Variants in RIT2 observed in about 807,000 individuals in gnomAD.
RIT2 encodes Ras like without CAAX 2, also known as GTP-binding protein Rit2.
RIT2 carries 24 observed loss-of-function variants against 23.7 expected under a neutral mutation model. The observed-to-expected ratio is 1.01, with a 90% CI of 0.73 to 1.43. The LOEUF is 1.43. Ranked by LOEUF, RIT2 falls within the 40% of genes most tolerant of loss-of-function variation. The pLI is 0.00. For missense variants in RIT2, 236 were observed against 266.9 expected (o/e 0.88, Z 0.81); for synonymous variants, 107 against 91.1 (o/e 1.17, Z -0.99).
At chr18:42,929,034 G>GATATATATATATAGATATATATAT (rs1909256715) in intron 3 of RIT2, among the ~76,000 whole-genome samples, 1 of 96,956 alleles carries the variant, frequency 1.0e-5, no homozygotes, top group African/African-American at 4.0e-5. Flanking sequence ...AAAATATGGA[G>GATATATATATATAGATATATATAT]ATATATATAT....
chr18:42,892,355 T>G (rs1333518158), intron 4 of RIT2, among the ~76,000 whole-genome samples: 1 of 152,248 alleles, frequency 6.6e-6, no homozygotes, highest in Admixed American at 6.5e-5. Context: ...GAAGTTCTCA[T>G]GAATTAATGT....
intron 3 of RIT2, among the ~76,000 whole-genome samples, chr18:42,934,909 A>G (rs1217380709): frequency 3.9e-5 from 6 of 152,190 alleles, no homozygotes; most frequent in Non-Finnish European, 7.3e-5. Flanking sequence ...TGATATCTAT[A>G]CTACCATTGG....
At chr18:43,045,565 C>T (rs1479016163) in intron 1 of RIT2, among the ~76,000 whole-genome samples, 1 of 152,162 alleles carries the variant, frequency 6.6e-6, no homozygotes, top group Non-Finnish European at 1.5e-5. Context: ...GTAATATCTG[C>T]ATACATCCTA....
At chr18:43,059,407 A>C (rs1278291363) in intron 1 of RIT2, among the ~76,000 whole-genome samples, 1 of 152,140 alleles carries the variant, frequency 6.6e-6, no homozygotes, top group East Asian at 1.9e-4. Flanking sequence ...TTCAAATTAC[A>C]GGGATTTTAC....
intron 4 of RIT2, among the ~76,000 whole-genome samples, chr18:42,856,827 C>CTCTT (rs764885020): frequency 8.7e-6 from 1 of 114,616 alleles, no homozygotes; most frequent in Admixed American, 9.8e-5. Context: ...CTCTCTCTCT[C>CTCTT]TTTTTTTTTT....
chr18:43,049,519 A>G (rs1003626836), intron 1 of RIT2, among the ~76,000 whole-genome samples: 1 of 152,116 alleles, frequency 6.6e-6, no homozygotes, highest in Non-Finnish European at 1.5e-5. Context: ...TCTTCAAGGA[A>G]CTCACAGCAG....
chr18:42,762,886 C>T (rs1225156742), intron 4 of RIT2, among the ~76,000 whole-genome samples: 5 of 152,262 alleles, frequency 3.3e-5, no homozygotes, highest in Middle Eastern at 3.4e-3. Context: ...TGAACATTAG[C>T]AAGATGAGTT....
At chr18:42,856,617 A>G (rs1907188098) in intron 4 of RIT2, among the ~76,000 whole-genome samples, 1 of 137,848 alleles carries the variant, frequency 7.3e-6, no homozygotes, top group African/African-American at 2.8e-5. Context: ...CACAAGACAA[A>G]CAGTCACAGT....
At chr18:42,946,238 G>A (rs1909724365) in intron 3 of RIT2, among the ~76,000 whole-genome samples, 1 of 151,996 alleles carries the variant, frequency 6.6e-6, no homozygotes, top group Non-Finnish European at 1.5e-5. Flanking sequence ...GTAGGCCAGT[G>A]GTTCACACAG....
chr18:43,106,720 A>C (rs1484915070), intron 1 of RIT2, among the ~76,000 whole-genome samples: 1 of 152,162 alleles, frequency 6.6e-6, no homozygotes, highest in Non-Finnish European at 1.5e-5. Context: ...AGGATGCTGA[A>C]ATGCTTGGAG....
intron 3 of RIT2, among the ~76,000 whole-genome samples, chr18:42,946,050 C>A (rs1355717564): frequency 2.6e-5 from 4 of 152,026 alleles, no homozygotes; most frequent in Admixed American, 1.3e-4. Flanking sequence ...ACTTTGGGTG[C>A]ATATTTTAGG....
chr18:43,039,947 CTCT>C (rs1568063981), intron 1 of RIT2, among the ~76,000 whole-genome samples: 1 of 152,162 alleles, frequency 6.6e-6, no homozygotes, highest in Non-Finnish European at 1.5e-5. Flanking sequence ...TATTTAGTTT[CTCT>C]TCTTATCTAT....
chr18:42,837,155 T>G (rs1000869984), intron 4 of RIT2, among the ~76,000 whole-genome samples: 14 of 78,526 alleles, frequency 1.8e-4, no homozygotes, highest in East Asian at 1.6e-3. Flanking sequence ...TTCTTTTTCT[T>G]TTTTTTTTTT....
At chr18:42,881,051 C>T (rs1907879850) in intron 4 of RIT2, among the ~76,000 whole-genome samples, 1 of 152,090 alleles carries the variant, frequency 6.6e-6, no homozygotes, top group African/African-American at 2.4e-5. Flanking sequence ...GGTGATCCAC[C>T]CGCCTCGGCC....
In RIT2 at chr18:42,950,899, C is replaced by CAAA. The variant is rs546311282; in HGVS notation, c.234+23172_234+23174dup. Among the ~76,000 whole-genome samples, 354 of 129,864 alleles carry CAAA rather than the reference C, an allele frequency of 2.7e-3. 1 individual carries two copies. Among genetic ancestry groups the CAAA allele is most frequent in the African/African-American group, 9.0e-3 (324 of 36,004 alleles). 85.2% of individuals were successfully genotyped at this position (129,864 alleles called of 152,430 possible). A position where few individuals can be genotyped will look rare whatever the true frequency, so the allele number is the denominator to read the frequency against. On this transcript the variant is annotated intron_variant, in intron 3 of 4. Transcript: ENST00000326695. ...GTCAGAATGGCTATTATTAAAACAT[C>CAAA]AAAAAAAAAAAAAAATAACAGATGC...
intron 4 of RIT2, among the ~76,000 whole-genome samples, chr18:42,794,387 G>A (rs904137780): frequency 2.0e-5 from 3 of 152,146 alleles, no homozygotes; most frequent in Non-Finnish European, 2.9e-5. Context: ...AATAAAATAA[G>A]TCATTTATAT....
At chr18:42,881,420 A>G (rs534350865) in intron 4 of RIT2, among the ~76,000 whole-genome samples, 2 of 152,312 alleles carry the variant, frequency 1.3e-5, no homozygotes, top group East Asian at 1.9e-4. Context: ...TAACACATAA[A>G]TAAAACTAAG....
intron 4 of RIT2, among the ~76,000 whole-genome samples, chr18:42,776,847 A>C (rs1913683596): frequency 6.6e-6 from 1 of 152,234 alleles, no homozygotes; most frequent in Admixed American, 6.5e-5. Flanking sequence ...GGCATAAAGA[A>C]GGGAAATAAC....
At chr18:42,795,585 C>A (rs992542133) in intron 4 of RIT2, among the ~76,000 whole-genome samples, 1 of 152,242 alleles carries the variant, frequency 6.6e-6, no homozygotes, top group African/African-American at 2.4e-5. Flanking sequence ...GGCGCCCAGT[C>A]CCATCGACCA....
Sources: allele counts gnomAD v4.1 joint callset (sites outside exome capture counted in the v4.1 genomes callset), GRCh38; gene constraint gnomAD v4.1.1; transcripts MANE v1.5; gene names NCBI Gene and HGNC (gene_info 2026-07-23, HGNC 2026-07-21).